Variants in LRFN5 observed in about 807,000 individuals in gnomAD.
The protein encoded by LRFN5 is leucine-rich repeat and fibronectin type-III domain-containing protein 5.
Under a neutral mutation model 45.6 loss-of-function variants are expected in LRFN5, and 24 were observed. The observed-to-expected ratio is 0.53, with a 90% confidence interval of 0.38 to 0.74. LRFN5 has a LOEUF of 0.74. LRFN5 is among the 30% of genes least tolerant of loss of function. LRFN5 has a pLI of 0.00. For missense variants in LRFN5, 776 were observed against 861.5 expected (o/e 0.90, Z 1.24); for synonymous variants, 340 against 313.8 (o/e 1.08, Z -0.88).
intron 1 of LRFN5, among the ~76,000 whole-genome samples, chr14:41,766,387 G>A (rs1885884222): frequency 6.6e-6 from 1 of 152,106 alleles, no homozygotes; most frequent in South Asian, 2.1e-4. Context: ...GATTTTCTCT[G>A]TTGAAAAATA....
intron 1 of LRFN5, among the ~76,000 whole-genome samples, chr14:41,739,550 T>G (rs543345662): frequency 6.6e-6 from 1 of 151,882 alleles, no homozygotes; most frequent in African/African-American, 2.4e-5. Context: ...CCAAAACTTA[T>G]GGGATACAGC....
chr14:41,843,661 A>G (rs967164823), intron 2 of LRFN5, among the ~76,000 whole-genome samples: 2 of 152,180 alleles, frequency 1.3e-5, no homozygotes, highest in African/African-American at 4.8e-5. Flanking sequence ...AGCACCATTT[A>G]CCAAAAAGGC....
intron 1 of LRFN5, among the ~76,000 whole-genome samples, chr14:41,623,095 G>A (rs1419091933): frequency 3.9e-5 from 6 of 152,108 alleles, no homozygotes; most frequent in African/African-American, 1.4e-4. Context: ...TATAATGTCA[G>A]CTCTGCTATT....
chr14:41,903,423 T>C (rs1356143558), intron 5 of LRFN5, among the ~76,000 whole-genome samples: 1 of 151,444 alleles, frequency 6.6e-6, no homozygotes, highest in Non-Finnish European at 1.5e-5. Context: ...CTCATGTATA[T>C]GAAAGCATAT....
intron 2 of LRFN5, among the ~76,000 whole-genome samples, chr14:41,784,307 C>T (rs1395510307): frequency 6.6e-6 from 1 of 152,024 alleles, no homozygotes; most frequent in African/African-American, 2.4e-5. Flanking sequence ...ATAATAAATG[C>T]TGATCTCTAA....
At chr14:41,837,192 C>T (rs1888690792) in intron 2 of LRFN5, among the ~76,000 whole-genome samples, 5 of 43,312 alleles carry the variant, frequency 1.2e-4, no homozygotes, top group Admixed American at 8.9e-4. Context: ...TCACACACTC[C>T]ACAAAAAAAA....
At chr14:41,792,868 G>A (rs1886977775) in intron 2 of LRFN5, among the ~76,000 whole-genome samples, 2 of 151,936 alleles carry the variant, frequency 1.3e-5, no homozygotes, top group South Asian at 4.2e-4. Context: ...ATTAAAGACA[G>A]GCATAACAAA....
intron 1 of LRFN5, among the ~76,000 whole-genome samples, chr14:41,710,674 G>C (rs1012243027): frequency 6.6e-6 from 1 of 152,114 alleles, no homozygotes; most frequent in South Asian, 2.1e-4. Flanking sequence ...CAACATGCAT[G>C]TTTGTTACAT....
intron 1 of LRFN5, among the ~76,000 whole-genome samples, chr14:41,757,278 C>A (rs1009165839): frequency 6.6e-6 from 1 of 152,176 alleles, no homozygotes; most frequent in Non-Finnish European, 1.5e-5. Flanking sequence ...CTACTCTCTT[C>A]AAAGCTGTCA....
chr14:41,875,773 C>T (rs920814107), intron 2 of LRFN5, among the ~76,000 whole-genome samples: 2 of 152,140 alleles, frequency 1.3e-5, no homozygotes, highest in African/African-American at 2.4e-5. Flanking sequence ...TCTTTAGGAT[C>T]CCAAACTCAC....
intron 1 of LRFN5, among the ~76,000 whole-genome samples, chr14:41,634,985 GT>G (rs1879229020): frequency 6.6e-6 from 1 of 151,908 alleles, no homozygotes; most frequent in Admixed American, 6.6e-5. Context: ...ATTTTATGCT[GT>G]TTTTTAAAAT....
intron 1 of LRFN5, among the ~76,000 whole-genome samples, chr14:41,686,482 G>A (rs1469893447): frequency 6.6e-6 from 1 of 151,802 alleles, no homozygotes; most frequent in Non-Finnish European, 1.5e-5. Context: ...TGATTGCCCT[G>A]GCCAGAACTT....
chr14:41,755,501 T>A (rs1885333543), intron 1 of LRFN5, among the ~76,000 whole-genome samples: 1 of 152,220 alleles, frequency 6.6e-6, no homozygotes, highest in South Asian at 2.1e-4. Flanking sequence ...GTTGAATTGA[T>A]CCCTTTACCA....
chr14:41,618,473 AGGT>A (rs1418430829), intron 1 of LRFN5, among the ~76,000 whole-genome samples: 1 of 152,204 alleles, frequency 6.6e-6, no homozygotes, highest in African/African-American at 2.4e-5. Flanking sequence ...TGCTGAGGAC[AGGT>A]GGCCTGGCTA....
At chr14:41,675,148 G>C (rs371804919) in intron 1 of LRFN5, among the ~76,000 whole-genome samples, 3 of 150,764 alleles carry the variant, frequency 2.0e-5, no homozygotes, top group Non-Finnish European at 4.4e-5. Context: ...GGCTCCTCAC[G>C]TCCCAGACGA....
At chr14:41,732,943 G>T (rs1369724658) in intron 1 of LRFN5, among the ~76,000 whole-genome samples, 1 of 80,446 alleles carries the variant, frequency 1.2e-5, no homozygotes, top group African/African-American at 3.6e-5. Context: ...GAAAAGAAAA[G>T]AAAAAAATTC....
chr14:41,778,065 A>G (rs558362858), intron 2 of LRFN5, among the ~76,000 whole-genome samples: 1 of 150,944 alleles, frequency 6.6e-6, no homozygotes, highest in African/African-American at 2.4e-5. Flanking sequence ...TCAATATTTG[A>G]TAATTTTTAA....
At chr14:41,856,883 C>G (rs1227062786) in intron 2 of LRFN5, among the ~76,000 whole-genome samples, 1 of 149,008 alleles carries the variant, frequency 6.7e-6, no homozygotes, top group African/African-American at 2.5e-5. Flanking sequence ...TCACCGTGGT[C>G]TCGATCTCCT....
At chr14:41,732,100 G>A (rs1269262887) in intron 1 of LRFN5, among the ~76,000 whole-genome samples, 1 of 152,178 alleles carries the variant, frequency 6.6e-6, no homozygotes, top group East Asian at 1.9e-4. Context: ...ACAGTAAATT[G>A]TAGTTAATTT....
Sources: allele counts gnomAD v4.1 joint callset (sites outside exome capture counted in the v4.1 genomes callset), GRCh38; gene constraint gnomAD v4.1.1; transcripts MANE v1.5; gene names NCBI Gene and HGNC (gene_info 2026-07-23, HGNC 2026-07-21).